Variants in SCARB2 observed in about 807,000 individuals in gnomAD.
SCARB2 encodes lysosome membrane protein 2.
A neutral mutation model predicts 58.6 loss-of-function variants in SCARB2; 29 were observed. That is an observed-to-expected ratio of 0.49 (90% CI 0.37 to 0.67). The LOEUF is 0.67. Ranked by LOEUF, SCARB2 falls within the 30% of genes least tolerant of loss-of-function variation. The pLI is 0.00. For missense variants in SCARB2, 488 were observed against 578.5 expected (o/e 0.84, Z 1.60); for synonymous variants, 195 against 210.1 (o/e 0.93, Z 0.62).
At chr4:76,193,011 C>T (rs761462075) in intron 2 of SCARB2, 1 of 152,194 alleles carries the variant, frequency 6.6e-6, no homozygotes, top group African/African-American at 2.4e-5. Context: ...TGAGACAGCC[C>T]CTTCCATCAC....
chr4:76,170,717 A>T (rs1355389458), intron 7 of SCARB2, among the ~76,000 whole-genome samples: 1 of 151,714 alleles, frequency 6.6e-6, no homozygotes, highest in Non-Finnish European at 1.5e-5. Context: ...ACAGCGTTTC[A>T]CCATGTTGGC....
intron 2 of SCARB2, among the ~76,000 whole-genome samples, chr4:76,190,198 C>T (rs1467760449): frequency 2.0e-5 from 3 of 151,846 alleles, no homozygotes; most frequent in Admixed American, 6.6e-5. Flanking sequence ...TTGTTAAAGA[C>T]GGAGTTTTGC....
Position 76,213,683 on chromosome 4 carries a change from GC to G in SCARB2, c.-141del. The G allele has an allele frequency of 1.5e-6, 1 of 669,854 alleles. No individual in the cohort carries two copies. The highest frequency in any genetic ancestry group is 1.8e-5 in the African/African-American group (1 of 55,002). 41.5% of individuals were successfully genotyped at this position (669,854 alleles called of 1,614,324 possible). On this transcript the variant is annotated 5_prime_UTR_variant, in exon 1 of 12. Coordinates refer to ENST00000264896, the MANE Select transcript of SCARB2 (RefSeq NM_005506.4). ...CGCCCTCCCGGCGCACGGTTCGTGCGCGCAGCTCTGGGCTCCGCGGCCTGGC... is the reference window on the plus strand; with the variant it reads ...CGCCCTCCCGGCGCACGGTTCGTGCGGCAGCTCTGGGCTCCGCGGCCTGGC...
chr4:76,218,083 T>TA (rs1393323535), upstream of SCARB2, among the ~76,000 whole-genome samples: 2 of 152,174 alleles, frequency 1.3e-5, no homozygotes, highest in African/African-American at 2.4e-5. Flanking sequence ...ATCCCAGCAT[T>TA]TTGGGAAGCC....
chr4:76,173,944 G>GT (rs1419104590), intron 7 of SCARB2, 200 bp downstream of exon 7: 3 of 646,488 alleles, frequency 4.6e-6, no homozygotes, highest in African/African-American at 3.6e-5. Flanking sequence ...TGTTTGTTTT[G>GT]TTTTTTAGAG....
At chr4:76,201,483 A>G (rs186571549) in intron 1 of SCARB2, among the ~76,000 whole-genome samples, 94 of 152,350 alleles carry the variant, frequency 6.2e-4, no homozygotes, top group African/African-American at 2.2e-3. Context: ...AGCGTAGAGC[A>G]CAACGCTGTG....
chr4:76,170,363 T>C (rs905780191), intron 7 of SCARB2, among the ~76,000 whole-genome samples: 5 of 152,300 alleles, frequency 3.3e-5, no homozygotes, highest in East Asian at 1.9e-4. Flanking sequence ...GTGAGGTTCA[T>C]AGAAGTTACA....
rs1731895653 is a variant in SCARB2, at chr4:76,161,489, A to G, written c.*224T>C. 2 of 594,674 alleles carry G rather than the reference A, an allele frequency of 3.4e-6. No homozygotes were observed. Among genetic ancestry groups the G allele is most frequent in the Admixed American group, 5.8e-5 (2 of 34,238 alleles). 36.8% of individuals were successfully genotyped at this position (594,674 alleles called of 1,614,324 possible). On this transcript the variant is annotated 3_prime_UTR_variant, in exon 12 of 12. Transcript: ENST00000264896. Reference sequence around the variant, plus strand: ...GGTTTATTAAATACTTGCTAGACACATAAAAGAACAATTTCAGAGCCCACA... The same window carrying G: ...GGTTTATTAAATACTTGCTAGACACGTAAAAGAACAATTTCAGAGCCCACA...
chr4:76,184,571 A>G, intron 2 of SCARB2: 1 of 172,880 alleles, frequency 5.8e-6, no homozygotes, highest in South Asian at 1.2e-4. Flanking sequence ...GAGCTCAACC[A>G]ATTCCTTTCC....
chr4:76,178,108 G>A (rs1006830285), intron 4 of SCARB2, among the ~76,000 whole-genome samples: 3 of 152,136 alleles, frequency 2.0e-5, no homozygotes, highest in Non-Finnish European at 2.9e-5. Context: ...AGCTACACTG[G>A]AAGAAGACGG....
chr4:76,172,686 T>C (rs903143439), intron 7 of SCARB2: 24 of 151,934 alleles, frequency 1.6e-4, no homozygotes, highest in Admixed American at 2.6e-4. Context: ...ATTCTTTTTT[T>C]TTTTTTCTTT....
At chr4:76,169,749 C>T in intron 8 of SCARB2, 118 bp downstream of exon 8, 1 of 881,130 alleles carries the variant, frequency 1.1e-6, no homozygotes, top group Non-Finnish European at 1.9e-6. Flanking sequence ...ATTTCTCCCA[C>T]TTGAATATGT....
intron 1 of SCARB2, among the ~76,000 whole-genome samples, chr4:76,231,386 G>C (rs4859431): frequency 0.15 from 22,711 of 152,008 alleles, 2,000 homozygotes; most frequent in East Asian, 0.35. Flanking sequence ...GGAGACTGCC[G>C]GTTGGTTCAC....
chr4:76,173,542 T>A (rs571725705), intron 7 of SCARB2: 1 of 154,842 alleles, frequency 6.5e-6, no homozygotes, highest in African/African-American at 2.4e-5. Context: ...CTTGCTATGT[T>A]GCCCAGGCTG....
At chr4:76,188,632 C>T (rs905946817) in intron 2 of SCARB2, among the ~76,000 whole-genome samples, 1 of 152,202 alleles carries the variant, frequency 6.6e-6, no homozygotes, top group African/African-American at 2.4e-5. Flanking sequence ...TTGATGGAGT[C>T]AGCTGACTCA....
chr4:76,179,195 AGGT>A (rs1732327098), intron 4 of SCARB2: 3 of 353,886 alleles, frequency 8.5e-6, no homozygotes, highest in Non-Finnish European at 1.6e-5. Flanking sequence ...GTGAGATTAC[AGGT>A]GTACATCACC....
At chr4:76,218,065 T>C (rs1401345358), upstream of SCARB2, among the ~76,000 whole-genome samples, 4 of 152,252 alleles carry the variant, frequency 2.6e-5, no homozygotes, top group Non-Finnish European at 5.9e-5. Flanking sequence ...AGGTGGCTCA[T>C]GCCTGTAATC....
intron 1 of SCARB2, among the ~76,000 whole-genome samples, chr4:76,199,871 GA>G (rs1299164786): frequency 6.6e-6 from 1 of 152,204 alleles, no homozygotes. Context: ...TGGGTCCAAA[GA>G]AAGCACCTCA....
rs1397822782 is a variant in SCARB2 at position 76,176,422 on chromosome 4, A to C, written c.704+15T>G. 6.4e-7 allele frequency: 1 copy of C among 1,560,756 alleles called. No individual in the cohort carries two copies. The highest frequency in any genetic ancestry group is 8.8e-7 in the Non-Finnish European group (1 of 1,132,674). ...AACTGAAAAAATAATTCCACTGATAAATCATTTGACTTACGTTTTCCCATT... is the reference window on the plus strand; with the variant it reads ...AACTGAAAAAATAATTCCACTGATACATCATTTGACTTACGTTTTCCCATT... On this transcript the variant is annotated intron_variant, in intron 5 of 11. Coordinates refer to ENST00000264896, the MANE Select transcript of SCARB2 (RefSeq NM_005506.4).
Sources: allele counts gnomAD v4.1 joint callset (sites outside exome capture counted in the v4.1 genomes callset), GRCh38; gene constraint gnomAD v4.1.1; transcripts MANE v1.5; gene names NCBI Gene and HGNC (gene_info 2026-07-23, HGNC 2026-07-21).